ABCA13: variants seen among roughly 807,000 people sequenced by gnomAD.
The protein encoded by ABCA13 is ATP-binding cassette sub-family A member 13.
In ABCA13, 476 loss-of-function variants were observed where a neutral mutation model predicts 478.7. The ratio of observed to expected loss-of-function variants is 0.99; its 90% CI spans 0.92 to 1.07. ABCA13 has a LOEUF of 1.07. ABCA13 is among the 50% of genes least tolerant of loss of function. The pLI is 0.00. For missense variants in ABCA13, 6,060 were observed against 5,910.6 expected (o/e 1.03, Z -0.83); for synonymous variants, 2,252 against 2,158.9 (o/e 1.04, Z -1.20).
At chr7:48,453,651 G>T (rs1365664302) in intron 42 of ABCA13, among the ~76,000 whole-genome samples, 2 of 152,116 alleles carry the variant, frequency 1.3e-5, no homozygotes, top group African/African-American at 4.8e-5. Context: ...TTTCTTGTCT[G>T]CCTGTAAACT....
At chr7:48,569,876 C>G (rs992780977) in intron 55 of ABCA13, among the ~76,000 whole-genome samples, 2 of 152,070 alleles carry the variant, frequency 1.3e-5, no homozygotes, top group Non-Finnish European at 2.9e-5. Context: ...AACACTTGTT[C>G]TATTCTGGAG....
chr7:48,462,462 C>T (rs927602064), intron 43 of ABCA13, among the ~76,000 whole-genome samples: 5 of 150,296 alleles, frequency 3.3e-5, no homozygotes, highest in Non-Finnish European at 4.4e-5. Flanking sequence ...CCTACTGTTT[C>T]CTTATCAAAA....
At position 48,645,658 on chromosome 7, in the gene ABCA13, A is replaced by G. The variant is rs1426109018; in HGVS notation, c.*146A>G. ...TTCTCTTGTTCATTTTCTATTTTGA[A>G]TCTCCTTGTTAGTTAATAACCACCA... On this transcript the variant is annotated 3_prime_UTR_variant, in exon 62 of 62. Coordinates refer to ENST00000435803, the MANE Select transcript of ABCA13 (RefSeq NM_152701.5). The G allele has an allele frequency of 1.4e-6, 1 of 699,464 alleles. No individual in the cohort carries two copies. Among genetic ancestry groups the G allele is most frequent in the African/African-American group, 1.9e-5 (1 of 53,612 alleles). 43.3% of individuals were successfully genotyped at this position (699,464 alleles called of 1,614,324 possible).
At chr7:48,587,121 G>T (rs1414837947) in intron 56 of ABCA13, 33 bp from the exon 57 acceptor site, 1 of 1,611,518 alleles carries the variant, frequency 6.2e-7, no homozygotes, top group Non-Finnish European at 8.5e-7. Flanking sequence ...TTTGGTGAAT[G>T]CTGGTGTGCA....
At position 48,435,747 on chromosome 7, in the gene ABCA13, T is replaced by C. The variant is rs951931061; in HGVS notation, c.12565+7876T>C. Among the ~76,000 whole-genome samples the C allele has an allele frequency of 2.6e-5, 4 of 151,730 alleles. No homozygotes were observed. The South Asian group carries it at 6.2e-4, about 24-fold the overall frequency. ...AACAAAGTGCTGAATTTTGTAAAAGTTCTTTATGTGTCAATTGAAATGACC... is the reference window on the plus strand; with the variant it reads ...AACAAAGTGCTGAATTTTGTAAAAGCTCTTTATGTGTCAATTGAAATGACC... On this transcript the variant is annotated intron_variant, in intron 42 of 61. Transcript: ENST00000435803.
intron 29 of ABCA13, among the ~76,000 whole-genome samples, chr7:48,347,575 G>C (rs901463096): frequency 1.3e-5 from 2 of 152,208 alleles, no homozygotes; most frequent in Non-Finnish European, 2.9e-5. Context: ...CACTGGCTCC[G>C]CATCAGCCAG....
At chr7:48,271,073 T>C (rs975978768) in intron 16 of ABCA13, among the ~76,000 whole-genome samples, 1 of 152,220 alleles carries the variant, frequency 6.6e-6, no homozygotes, top group African/African-American at 2.4e-5. Flanking sequence ...ACATATCTGA[T>C]ACCTGTATCA....
chr7:48,581,279 T>A (rs1451738124), intron 56 of ABCA13, among the ~76,000 whole-genome samples: 1 of 152,102 alleles, frequency 6.6e-6, no homozygotes, highest in Non-Finnish European at 1.5e-5. Context: ...GAACGTTCAT[T>A]CTCTGTTCTG....
At chr7:48,385,000 C>A (rs73325717) in intron 35 of ABCA13, among the ~76,000 whole-genome samples, 2,441 of 152,232 alleles carry the variant, frequency 0.016, 73 homozygotes, top group African/African-American at 0.056. Context: ...AAGACCGTGT[C>A]TCCAAATACA....
intron 1 of ABCA13, among the ~76,000 whole-genome samples, chr7:48,190,457 T>C (rs1796951267): frequency 6.6e-6 from 1 of 152,182 alleles, no homozygotes; most frequent in South Asian, 2.1e-4. Context: ...CTTTACCTTT[T>C]CAAGAAAACT....
At chr7:48,437,076 A>G (rs563646614) in intron 42 of ABCA13, among the ~76,000 whole-genome samples, 40 of 151,922 alleles carry the variant, frequency 2.6e-4, no homozygotes, top group African/African-American at 7.7e-4. Flanking sequence ...GTCTTTGTTG[A>G]TAGTCTATCT....
chr7:48,604,291 C>T (rs776271467), intron 58 of ABCA13, among the ~76,000 whole-genome samples: 4 of 152,068 alleles, frequency 2.6e-5, no homozygotes, highest in Non-Finnish European at 5.9e-5. Context: ...TTTGTTTGCT[C>T]TTGCTTCTCT....
intron 42 of ABCA13, among the ~76,000 whole-genome samples, chr7:48,451,557 A>C (rs1202178128): frequency 2.0e-5 from 3 of 152,176 alleles, no homozygotes; most frequent in African/African-American, 7.2e-5. Flanking sequence ...CTTGGATTAC[A>C]ATATTTACAT....
chr7:48,595,537 T>C (rs1319232528), intron 58 of ABCA13, among the ~76,000 whole-genome samples: 5 of 152,240 alleles, frequency 3.3e-5, no homozygotes, highest in Non-Finnish European at 7.3e-5. Flanking sequence ...TTTAGCTTGA[T>C]ACAGTTTTAT....
chr7:48,615,378 G>A lies in ABCA13; in HGVS notation c.14837+1G>A. 1 of 1,558,940 alleles carries A rather than the reference G, an allele frequency of 6.4e-7. No individual in the cohort carries two copies. The highest frequency in any genetic ancestry group is 1.2e-5 in the South Asian group (1 of 84,232). ...GTTCTCCTCAGCACATCAAAAATAG[G>A]TGCGTTGAAGTTCTCCTTTTGCTTA... On this transcript the variant is annotated splice_donor_variant, in intron 59 of 61. Coordinates refer to ENST00000435803, the MANE Select transcript of ABCA13 (RefSeq NM_152701.5). LOFTEE classifies it high-confidence loss of function.
chr7:48,451,430 C>T (rs1825020206), intron 42 of ABCA13, among the ~76,000 whole-genome samples: 2 of 152,132 alleles, frequency 1.3e-5, no homozygotes, highest in South Asian at 4.1e-4. Flanking sequence ...CTATATGGAC[C>T]TGTTCTCCCA....
chr7:48,306,313 A>G (rs886786349), intron 23 of ABCA13, among the ~76,000 whole-genome samples: 1 of 152,188 alleles, frequency 6.6e-6, no homozygotes, highest in Admixed American at 6.5e-5. Context: ...ATGATCTTGC[A>G]TGGGGACCAC....
intron 1 of ABCA13, among the ~76,000 whole-genome samples, chr7:48,187,565 G>A (rs972257913): frequency 1.3e-5 from 2 of 151,716 alleles, no homozygotes; most frequent in African/African-American, 4.8e-5. Flanking sequence ...ATTAGCTTTT[G>A]CGTCTTAATA....
intron 47 of ABCA13, among the ~76,000 whole-genome samples, 156 bp downstream of exon 47, chr7:48,483,319 A>G (rs1208372343): frequency 6.6e-6 from 1 of 152,042 alleles, no homozygotes. Context: ...CATTGTCTTG[A>G]AAAAAAATGG....
Sources: gnomAD v4.1 joint callset for allele counts (sites outside exome capture counted in the v4.1 genomes callset) on GRCh38, gnomAD v4.1.1 for gene constraint, MANE v1.5 for transcripts, NCBI Gene and HGNC (gene_info 2026-07-23, HGNC 2026-07-21) for gene names.